SLC49A4: variants seen among roughly 807,000 people sequenced by gnomAD.
The protein encoded by SLC49A4 is solute carrier family 49 member 4, also known as disrupted in renal cancer protein 2.
Under a neutral mutation model 50.6 loss-of-function variants are expected in SLC49A4, and 36 were observed. The observed-to-expected ratio is 0.71, with a 90% CI of 0.55 to 0.94. The LOEUF is 0.94. SLC49A4 is among the 40% of genes least tolerant of loss of function. SLC49A4 has a pLI of 0.00. For missense variants in SLC49A4, 503 were observed against 605.7 expected (o/e 0.83, Z 1.78); for synonymous variants, 248 against 241.2 (o/e 1.03, Z -0.26).
intron 7 of SLC49A4, among the ~76,000 whole-genome samples, chr3:122,869,293 T>C (rs1453544162): frequency 6.6e-6 from 1 of 152,228 alleles, no homozygotes; most frequent in African/African-American, 2.4e-5. Context: ...CAGGGAATTC[T>C]GTATATTTAC....
intron 5 of SLC49A4, among the ~76,000 whole-genome samples, chr3:122,847,103 G>C (rs1043871791): frequency 1.4e-4 from 21 of 152,142 alleles, no homozygotes; most frequent in Non-Finnish European, 2.8e-4. Context: ...CCAAACTGTA[G>C]AATCAAGGAC....
intron 3 of SLC49A4, 121 bp from the exon 4 acceptor site, chr3:122,833,196 A>G: frequency 2.1e-6 from 2 of 943,666 alleles, no homozygotes. Flanking sequence ...AGCCATGTTC[A>G]TGCCACTGCA....
chr3:122,799,362 C>T (rs1181093187), intron 1 of SLC49A4, among the ~76,000 whole-genome samples: 3 of 152,176 alleles, frequency 2.0e-5, no homozygotes, highest in African/African-American at 7.2e-5. Context: ...GGAAAAATGA[C>T]ACCTGACATG....
chr3:122,852,943 T>G (rs1936943744), intron 5 of SLC49A4, among the ~76,000 whole-genome samples: 1 of 152,190 alleles, frequency 6.6e-6, no homozygotes, highest in South Asian at 2.1e-4. Flanking sequence ...CTCTGATGGC[T>G]TCAGATAAAA....
chr3:122,863,417 C>G (rs1198742270), intron 7 of SLC49A4, among the ~76,000 whole-genome samples: 1 of 152,200 alleles, frequency 6.6e-6, no homozygotes, highest in Non-Finnish European at 1.5e-5. Flanking sequence ...GTAAATGTTA[C>G]TTGTTGCCAG....
At chr3:122,879,226 A>C (rs748403470) in intron 8 of SLC49A4, 37 bp from the exon 9 acceptor site, 26 of 1,467,310 alleles carry the variant, frequency 1.8e-5, no homozygotes, top group Non-Finnish European at 2.4e-5. Context: ...CTGGTGATAC[A>C]TGAATGTTTA....
At chr3:122,839,449 A>G (rs775840173) in intron 4 of SLC49A4, among the ~76,000 whole-genome samples, 19 of 152,172 alleles carry the variant, frequency 1.2e-4, no homozygotes, top group Non-Finnish European at 2.8e-4. Context: ...GAGTAAACAA[A>G]CAGCCCACAG....
intron 1 of SLC49A4, among the ~76,000 whole-genome samples, chr3:122,797,719 G>A (rs1338369862): frequency 6.6e-6 from 1 of 152,196 alleles, no homozygotes. Context: ...AGTGGCTCAT[G>A]TTTGTAATCT....
chr3:122,872,277 T>C (rs1937205316), intron 7 of SLC49A4, 138 bp from the exon 8 acceptor site: 1 of 724,784 alleles, frequency 1.4e-6, no homozygotes. Flanking sequence ...TGTGTGATGC[T>C]TTGTCAAACT....
At chr3:122,846,261 C>T (rs1936848632) in intron 5 of SLC49A4, among the ~76,000 whole-genome samples, 1 of 152,138 alleles carries the variant, frequency 6.6e-6, no homozygotes, top group African/African-American at 2.4e-5. Context: ...AAGGGTATTT[C>T]ATTTCTTTAA....
chr3:122,795,646 G>A (rs1560186388), intron 1 of SLC49A4, 111 bp downstream of exon 1: 2 of 1,446,610 alleles, frequency 1.4e-6, no homozygotes, highest in Non-Finnish European at 1.8e-6. Flanking sequence ...GGGGTTGTGT[G>A]AGGTGATAGA....
At chr3:122,874,348 A>G (rs558912090) in intron 8 of SLC49A4, among the ~76,000 whole-genome samples, 1 of 152,250 alleles carries the variant, frequency 6.6e-6, no homozygotes, top group South Asian at 2.1e-4. Context: ...CTCATTCCTC[A>G]TTTTGCAAAT....
At chr3:122,796,377 G>T (rs1395784864) in intron 1 of SLC49A4, among the ~76,000 whole-genome samples, 1 of 152,194 alleles carries the variant, frequency 6.6e-6, no homozygotes, top group African/African-American at 2.4e-5. Context: ...AAGTTTTGTT[G>T]CAATGAGTTC....
intron 4 of SLC49A4, among the ~76,000 whole-genome samples, chr3:122,844,496 A>T (rs1173123294): frequency 2.0e-5 from 3 of 152,194 alleles, no homozygotes; most frequent in African/African-American, 4.8e-5. Flanking sequence ...AATTTCAAGA[A>T]GCGAGCCAGG....
intron 7 of SLC49A4, among the ~76,000 whole-genome samples, chr3:122,862,680 A>T (rs1282047543): frequency 6.6e-6 from 1 of 152,344 alleles, no homozygotes; most frequent in Non-Finnish European, 1.5e-5. Context: ...GTGGGATTTT[A>T]CAAGAACATA....
At chr3:122,861,500 A>G (rs927502759) in intron 7 of SLC49A4, among the ~76,000 whole-genome samples, 1 of 152,230 alleles carries the variant, frequency 6.6e-6, no homozygotes, top group Non-Finnish European at 1.5e-5. Flanking sequence ...CATTTATAAC[A>G]AGCATTTGTG....
At chr3:122,801,717 G>T (rs2107554783) in intron 1 of SLC49A4, among the ~76,000 whole-genome samples, 1 of 152,310 alleles carries the variant, frequency 6.6e-6, no homozygotes, top group Middle Eastern at 3.4e-3. Flanking sequence ...TGGAACAAGA[G>T]GTCAGAGATC....
At chr3:122,844,598 A>G (rs1317167759) in intron 4 of SLC49A4, among the ~76,000 whole-genome samples, 8 of 152,162 alleles carry the variant, frequency 5.3e-5, no homozygotes, top group Non-Finnish European at 8.8e-5. Flanking sequence ...CCTGGCCAAC[A>G]TGGCGAAACC....
chr3:122,832,743 T>C (rs940868799), intron 3 of SLC49A4, among the ~76,000 whole-genome samples: 1 of 152,222 alleles, frequency 6.6e-6, no homozygotes, highest in Non-Finnish European at 1.5e-5. Flanking sequence ...TTTTTATCTG[T>C]GTGCCATAGT....
Sources: gnomAD v4.1 joint callset for allele counts (sites outside exome capture counted in the v4.1 genomes callset) on GRCh38, gnomAD v4.1.1 for gene constraint, MANE v1.5 for transcripts, NCBI Gene and HGNC (gene_info 2026-07-23, HGNC 2026-07-21) for gene names.